LRBA: variants seen among roughly 807,000 people sequenced by gnomAD.
LRBA encodes lipopolysaccharide-responsive and beige-like anchor protein.
A neutral mutation model predicts 330.0 loss-of-function variants in LRBA; 176 were observed. That is an observed-to-expected ratio of 0.53 (90% CI 0.47 to 0.60). LRBA has a LOEUF of 0.60. Ranked by LOEUF, LRBA falls within the 20% of genes least tolerant of loss-of-function variation. The pLI, the probability that LRBA is intolerant of heterozygous loss-of-function variation, is 0.00. For synonymous variants in LRBA, 1,230 were observed against 1,193.0 expected, an observed-to-expected ratio of 1.03 and a Z score of -0.64; for missense variants, 3,259 against 3,444.8, an observed-to-expected ratio of 0.95 and a Z score of 1.35.
At chr4:150,572,463 C>A (rs927171244) in intron 40 of LRBA, among the ~76,000 whole-genome samples, 5 of 152,030 alleles carry the variant, frequency 3.3e-5, no homozygotes, top group African/African-American at 1.2e-4. Flanking sequence ...ACCATAATAA[C>A]CCAACTTAAT....
chr4:150,864,965 T>A (rs1579035857), intron 22 of LRBA, among the ~76,000 whole-genome samples: 1 of 152,154 alleles, frequency 6.6e-6, no homozygotes, highest in Admixed American at 6.5e-5. Flanking sequence ...GTTATACTTT[T>A]AACAACGATT....
At chr4:150,637,724 TC>T (rs1778063202) in intron 37 of LRBA, among the ~76,000 whole-genome samples, 2 of 152,140 alleles carry the variant, frequency 1.3e-5, no homozygotes, top group Non-Finnish European at 2.9e-5. Context: ...AGTGGATACT[TC>T]CCAGTTGAGC....
chr4:150,568,381 A>G (rs760633345), intron 40 of LRBA, among the ~76,000 whole-genome samples: 1 of 152,144 alleles, frequency 6.6e-6, no homozygotes, highest in Non-Finnish European at 1.5e-5. Context: ...CTGCCAAGGG[A>G]ACTAGAATAA....
intron 2 of LRBA, among the ~76,000 whole-genome samples, chr4:151,011,426 C>A (rs549716913): frequency 1.3e-5 from 2 of 151,800 alleles, no homozygotes; most frequent in Admixed American, 1.3e-4. Flanking sequence ...GGTGAAACCC[C>A]GCCTCTACCA....
intron 34 of LRBA, among the ~76,000 whole-genome samples, chr4:150,782,590 T>C (rs1290962338): frequency 6.6e-6 from 1 of 152,324 alleles, no homozygotes. Context: ...TCTCTGTCTG[T>C]AGCCTCCCAC....
chr4:150,860,255 C>A (rs1337910833), intron 22 of LRBA, among the ~76,000 whole-genome samples: 1 of 152,100 alleles, frequency 6.6e-6, no homozygotes, highest in Admixed American at 6.6e-5. Context: ...AATGTAAGAA[C>A]CAACTTACAA....
In LRBA at chr4:150,948,339, A is replaced by G. The variant is rs1053806335; in HGVS notation, c.217-19274T>C. Among the ~76,000 whole-genome samples, 15 of 152,162 alleles carry G rather than the reference A, an allele frequency of 9.9e-5. 1 individual carries two copies. Among genetic ancestry groups the G allele is most frequent in the African/African-American group, 3.6e-4 (15 of 41,572 alleles). ...GAACTAGACCCACACAAATATTCTG[A>G]ACAGTTTTAACAAAAGTACAAAAAG... On this transcript the variant is annotated intron_variant, in intron 2 of 56. Coordinates refer to ENST00000651943, the MANE Select transcript of LRBA (RefSeq NM_001364905.1).
chr4:150,454,123 A>G (rs938239352), intron 44 of LRBA, among the ~76,000 whole-genome samples: 1 of 151,804 alleles, frequency 6.6e-6, no homozygotes, highest in Non-Finnish European at 1.5e-5. Context: ...ACCACATCTG[A>G]CTAATTTTTG....
chr4:150,354,770 T>C (rs1409099522), intron 47 of LRBA, among the ~76,000 whole-genome samples: 2 of 152,070 alleles, frequency 1.3e-5, no homozygotes, highest in Non-Finnish European at 2.9e-5. Flanking sequence ...ACTTCAGATA[T>C]GCTAAAAAGT....
chr4:150,557,447 C>T (rs959852123), intron 40 of LRBA, among the ~76,000 whole-genome samples: 36 of 151,334 alleles, frequency 2.4e-4, no homozygotes, highest in African/African-American at 8.5e-4. Flanking sequence ...AACTGTTAAG[C>T]GGACTCCATA....
chr4:150,485,777 T>TA (rs1757802820), intron 42 of LRBA, among the ~76,000 whole-genome samples: 1 of 152,006 alleles, frequency 6.6e-6, no homozygotes, highest in African/African-American at 2.4e-5. Flanking sequence ...GGTACTTTGT[T>TA]ATGACAGCCC....
intron 47 of LRBA, among the ~76,000 whole-genome samples, chr4:150,374,736 C>A (rs894213182): frequency 6.6e-6 from 1 of 152,102 alleles, no homozygotes; most frequent in Non-Finnish European, 1.5e-5. Context: ...AAATCCAAAA[C>A]CTGAAATACT....
Position 150,762,438 on chromosome 4 carries a change from C to T in LRBA, c.5581-591G>A, listed in dbSNP as rs780955697. On this transcript the variant is annotated intron_variant, in intron 34 of 56. Transcript: ENST00000651943. ...ATCCATTTGAAATTTACCCATTAAA[C>T]TTTATCCACTAAAAAGCAATCCATT... is the stretch of plus-strand genomic sequence containing the variant. 3.8e-4 allele frequency among the ~76,000 whole-genome samples: 57 copies of T among 151,716 alleles called. 1 individual carries two copies. The highest frequency in any genetic ancestry group is 1.0e-4 in the Non-Finnish European group (7 of 67,742).
intron 37 of LRBA, among the ~76,000 whole-genome samples, chr4:150,631,917 G>A (rs576579001): frequency 1.5e-3 from 221 of 152,246 alleles, no homozygotes; most frequent in Non-Finnish European, 2.6e-3. Flanking sequence ...TCAGAGTGTT[G>A]ATTTGAGATT....
chr4:150,920,284 C>G lies in LRBA; in HGVS notation c.645+914G>C, dbSNP rs922341300. On this transcript the variant is annotated intron_variant, in intron 5 of 56. Coordinates refer to ENST00000651943, the MANE Select transcript of LRBA (RefSeq NM_001364905.1). The stretch of plus-strand genomic sequence containing the variant: ...TTGTCTTGGGCCGGGCGTGGTGACT[C>G]ATGCCTGTAATCCCAGCACTTCGGG... 3.9e-5 allele frequency among the ~76,000 whole-genome samples: 6 copies of G among 152,276 alleles called. No individual in the cohort carries two copies. The South Asian group carries it at 1.2e-3, about 32-fold the overall frequency.
intron 33 of LRBA, among the ~76,000 whole-genome samples, chr4:150,798,513 G>A (rs1295408067): frequency 1.3e-5 from 2 of 151,992 alleles, no homozygotes; most frequent in African/African-American, 4.8e-5. Flanking sequence ...CCTGACCTTT[G>A]CTTTCTCCAC....
At chr4:150,324,255 T>C (rs768447740) in intron 49 of LRBA, among the ~76,000 whole-genome samples, 17 of 152,184 alleles carry the variant, frequency 1.1e-4, no homozygotes, top group Non-Finnish European at 1.9e-4. Context: ...CCAGCACCAA[T>C]GCAGCCTGAG....
intron 2 of LRBA, among the ~76,000 whole-genome samples, chr4:150,981,152 G>A (rs1022875940): frequency 1.3e-4 from 19 of 150,922 alleles, no homozygotes; most frequent in African/African-American, 3.2e-4. Flanking sequence ...AGTGGCTCAC[G>A]CCTGTAATCC....
chr4:150,997,055 TTTTAA>T (rs1320373199), intron 2 of LRBA, among the ~76,000 whole-genome samples: 8 of 152,208 alleles, frequency 5.3e-5, no homozygotes, highest in African/African-American at 1.2e-4. Flanking sequence ...TTTTATTTTA[TTTTAA>T]TTTAAGTTCA....
Sources: gnomAD v4.1 joint callset for allele counts (sites outside exome capture counted in the v4.1 genomes callset) on GRCh38, gnomAD v4.1.1 for gene constraint, MANE v1.5 for transcripts, NCBI Gene and HGNC (gene_info 2026-07-23, HGNC 2026-07-21) for gene names.